The following MAP4K4 variants were observed in gnomAD, a reference collection of about 807,000 sequenced individuals.
The protein encoded by MAP4K4 is mitogen-activated protein kinase kinase kinase kinase 4.
Under a neutral mutation model 189.6 loss-of-function variants are expected in MAP4K4, and 38 were observed. That is an observed-to-expected ratio of 0.20 (90% CI 0.15 to 0.26). MAP4K4 has a LOEUF of 0.26. Ranked by LOEUF, MAP4K4 falls within the 10% of genes least tolerant of loss-of-function variation. MAP4K4 has a pLI of 1.00. For synonymous variants in MAP4K4, 610 were observed against 624.3 expected (o/e 0.98, Z 0.34); for missense variants, 1,054 against 1,726.9 (o/e 0.61, Z 6.91).
intron 6 of MAP4K4, 56 bp from the exon 7 acceptor site, chr2:101,831,665 A>T (rs1035426013): frequency 1.3e-6 from 2 of 1,543,878 alleles, no homozygotes; most frequent in Non-Finnish European, 1.8e-6. Flanking sequence ...TCCCAAGTAT[A>T]TCTGGTTTGT....
chr2:101,742,158 G>T (rs999863071), intron 2 of MAP4K4, among the ~76,000 whole-genome samples: 1 of 152,140 alleles, frequency 6.6e-6, no homozygotes, highest in Admixed American at 6.5e-5. Flanking sequence ...TCAGAGTCCC[G>T]CACTCTTGGG....
chr2:101,723,306 A>G (rs2053318699), intron 2 of MAP4K4, among the ~76,000 whole-genome samples: 1 of 152,228 alleles, frequency 6.6e-6, no homozygotes, highest in Non-Finnish European at 1.5e-5. Context: ...TAATGCAGAC[A>G]TCTCACTGTA....
chr2:101,858,121 T>C (rs1002646661), intron 13 of MAP4K4, among the ~76,000 whole-genome samples: 1 of 152,196 alleles, frequency 6.6e-6, no homozygotes, highest in African/African-American at 2.4e-5. Context: ...TTTTGGATGC[T>C]CATTTCTCAA....
intron 2 of MAP4K4, among the ~76,000 whole-genome samples, chr2:101,708,497 G>A (rs1437237904): frequency 2.0e-5 from 3 of 152,218 alleles, no homozygotes; most frequent in African/African-American, 4.8e-5. Flanking sequence ...GGAAAGTGAG[G>A]CAGGATGCCA....
At chr2:101,857,527 A>G (rs1181052412) in intron 13 of MAP4K4, among the ~76,000 whole-genome samples, 1 of 152,220 alleles carries the variant, frequency 6.6e-6, no homozygotes, top group Admixed American at 6.5e-5. Flanking sequence ...TTGTTCAAAA[A>G]AGAAAATGAG....
At position 101,769,419 on chromosome 2, in the gene MAP4K4, GA is replaced by G. The variant is rs553412304; in HGVS notation, c.124-21298del. 4.4e-3 allele frequency among the ~76,000 whole-genome samples: 667 copies of G among 152,226 alleles called. 2 individuals carry two copies. The highest frequency in any genetic ancestry group is 0.024 in the Middle Eastern group (7 of 294). ...GTCATAACAGATAGAATTTTGAGAAGAAATAAGGTAAGGATAAGTTAACGGG... is the reference window on the plus strand; with the variant it reads ...GTCATAACAGATAGAATTTTGAGAAGAATAAGGTAAGGATAAGTTAACGGG... On this transcript the variant is annotated intron_variant, in intron 2 of 32. Coordinates refer to ENST00000324219, the Ensembl canonical transcript of MAP4K4.
At chr2:101,851,183 C>T (rs1386890404) in intron 12 of MAP4K4, among the ~76,000 whole-genome samples, 4 of 152,136 alleles carry the variant, frequency 2.6e-5, no homozygotes, top group Non-Finnish European at 4.4e-5. Context: ...TACTTAGGCA[C>T]GCTTGGGAAA....
Position 101,888,094 on chromosome 2 carries a change from G to A in MAP4K4, c.3931+157G>A, listed in dbSNP as rs563071899. The stretch of plus-strand genomic sequence containing the variant: ...ATGGTGGAAAGTTAGATTGTAGGCC[G>A]TGGAAATAGTCATAGGTCTATTTTA... On this transcript the variant is annotated intron_variant, in intron 31 of 32. Transcript: ENST00000324219. 2.6e-5 allele frequency among the ~76,000 whole-genome samples: 4 copies of A among 152,316 alleles called. No homozygotes were observed. The East Asian group carries it at 5.8e-4, about 22-fold the overall frequency.
intron 3 of MAP4K4, among the ~76,000 whole-genome samples, chr2:101,813,450 A>C (rs1287985820): frequency 6.6e-6 from 1 of 152,214 alleles, no homozygotes; most frequent in Non-Finnish European, 1.5e-5. Flanking sequence ...GAGCAGTGCC[A>C]GTCTTAGCAG....
chr2:101,847,745 A>G (rs2097154107), intron 12 of MAP4K4, among the ~76,000 whole-genome samples: 1 of 152,190 alleles, frequency 6.6e-6, no homozygotes, highest in Non-Finnish European at 1.5e-5. Context: ...AGAAAGAAAA[A>G]CATTTTAAAA....
chr2:101,866,211 AG>A (rs1215742485), intron 18 of MAP4K4, among the ~76,000 whole-genome samples: 1 of 152,226 alleles, frequency 6.6e-6, no homozygotes, highest in African/African-American at 2.4e-5. Context: ...TACTAATGGT[AG>A]GATATCATTT....
intron 2 of MAP4K4, among the ~76,000 whole-genome samples, chr2:101,706,018 T>C (rs1459572218): frequency 6.6e-6 from 1 of 151,772 alleles, no homozygotes; most frequent in African/African-American, 2.4e-5. Flanking sequence ...ACCCCACTTT[T>C]ACATTATAAC....
At chr2:101,728,719 A>T (rs1398533442) in intron 2 of MAP4K4, among the ~76,000 whole-genome samples, 1 of 152,164 alleles carries the variant, frequency 6.6e-6, no homozygotes, top group Admixed American at 6.5e-5. Context: ...GGGTTTCACC[A>T]GGTTGTCCAG....
intron 7 of MAP4K4, among the ~76,000 whole-genome samples, chr2:101,833,444 C>T (rs1398111079): frequency 1.3e-5 from 2 of 151,906 alleles, no homozygotes; most frequent in South Asian, 2.1e-4. Flanking sequence ...CCCGGTGAAA[C>T]CCCATCTTTA....
chr2:101,719,501 A>T (rs2050431189), intron 2 of MAP4K4, among the ~76,000 whole-genome samples: 1 of 152,174 alleles, frequency 6.6e-6, no homozygotes, highest in Non-Finnish European at 1.5e-5. Flanking sequence ...GCAGACCCAG[A>T]CAGTGGCAGG....
At chr2:101,717,451 G>A (rs1189155429) in intron 2 of MAP4K4, among the ~76,000 whole-genome samples, 3 of 152,214 alleles carry the variant, frequency 2.0e-5, no homozygotes, top group Non-Finnish European at 4.4e-5. Flanking sequence ...GGGATTTGAG[G>A]TTTAAGTGCC....
At chr2:101,783,448 T>C (rs2088875601) in intron 2 of MAP4K4, among the ~76,000 whole-genome samples, 2 of 152,100 alleles carry the variant, frequency 1.3e-5, no homozygotes, top group Admixed American at 6.6e-5. Context: ...CTTATAATCT[T>C]GAAGAAGTAA....
rs74794907 is a variant in MAP4K4, at chr2:101,875,365, AT to A, written c.3241+1126del. On this transcript the variant is annotated intron_variant, in intron 26 of 32. Transcript: ENST00000324219. ...CTGATAATCTTTTTAGTTGTACAGC[AT>A]TTTTTTTTTTTTAATCTCTAAGGGT... is the stretch of plus-strand genomic sequence containing the variant. Among the ~76,000 whole-genome samples, 923 of 145,238 alleles carry A rather than the reference AT, an allele frequency of 6.4e-3. 2 individuals are homozygous for A. Among genetic ancestry groups the A allele is most frequent in the African/African-American group, 0.012 (460 of 39,982 alleles).
rs539906047 is a variant in MAP4K4, at chr2:101,773,361, G to C, written c.124-17359G>C. On this transcript the variant is annotated intron_variant, in intron 2 of 32. Coordinates refer to ENST00000324219, the Ensembl canonical transcript of MAP4K4. ...CTGTTGAGGGGCCTCTCACTGAGCA[G>C]ACAGGAAAATAGGCCGAAGGCCCAG... is the stretch of plus-strand genomic sequence containing the variant. Among the ~76,000 whole-genome samples, 190 of 152,352 alleles carry C rather than the reference G, an allele frequency of 1.2e-3. 1 individual carries two copies. Among genetic ancestry groups the C allele is most frequent in the African/African-American group, 4.3e-3 (179 of 41,586 alleles).
Sources: allele counts gnomAD v4.1 joint callset (sites outside exome capture counted in the v4.1 genomes callset), GRCh38; gene constraint gnomAD v4.1.1; transcripts MANE v1.5; gene names NCBI Gene and HGNC (gene_info 2026-07-23, HGNC 2026-07-21).